Variants in TMC4 observed in about 807,000 individuals in gnomAD.
The protein encoded by TMC4 is voltage-gated chloride channel TMC4.
A neutral mutation model predicts 82.0 loss-of-function variants in TMC4; 70 were observed. The ratio of observed to expected loss-of-function variants is 0.85; its 90% confidence interval spans 0.70 to 1.04. The LOEUF (loss-of-function observed/expected upper bound fraction) is 1.04. Among genes scored for constraint, TMC4 ranks in the 50% least tolerant of loss-of-function variants. TMC4 has a pLI of 0.00. For missense variants in TMC4, 879 were observed against 899.0 expected (o/e 0.98, Z 0.28); for synonymous variants, 446 against 406.0 (o/e 1.10, Z -1.18).
In TMC4 at chr19:54,168,065, A is replaced by G. The variant is rs76115611; in HGVS notation, c.797+106T>C. 4 of 1,292,968 alleles carry G rather than the reference A, an allele frequency of 3.1e-6. No homozygotes were observed. The African/African-American group carries it at 6.1e-5, about 20-fold the overall frequency. 80.1% of individuals were successfully genotyped at this position (1,292,968 alleles called of 1,614,324 possible). A position where few individuals can be genotyped will look rare whatever the true frequency, so the allele number is the denominator to read the frequency against. ...GCAATAAGAGCAAAACTCCGTCTCA[A>G]AAAAAAAAAGACTGAGGATTCTTGG... On this transcript the variant is annotated intron_variant, in intron 5 of 14. Coordinates refer to ENST00000619895, the MANE Select transcript of TMC4 (RefSeq NM_144686.4).
At chr19:54,161,422 TC>T (rs1455797127) in intron 11 of TMC4, among the ~76,000 whole-genome samples, 162 bp from the exon 12 acceptor site, 1 of 146,600 alleles carries the variant, frequency 6.8e-6, no homozygotes, top group Admixed American at 6.8e-5. Context: ...GCAGTGGCTC[TC>T]ACTGCAGCCT....
In TMC4 at chr19:54,173,154, A is replaced by G. The variant is rs2075958022; in HGVS notation, c.-37T>C. ...GGGCTGTCTCTAGTGGCCACCAGGC[A>G]GACACTGCCCCAGGTAAGGGAGGGG... is the stretch of plus-strand genomic sequence containing the variant. On this transcript the variant is annotated 5_prime_UTR_variant, in exon 1 of 15. Coordinates refer to ENST00000619895, the MANE Select transcript of TMC4 (RefSeq NM_144686.4). 6.2e-7 allele frequency: 1 copy of G among 1,601,830 alleles called. No individual in the cohort carries two copies. Among genetic ancestry groups the G allele is most frequent in the Non-Finnish European group, 8.5e-7 (1 of 1,169,910 alleles).
Position 54,160,904 on chromosome 19 carries a change from A to C in TMC4, c.1947T>G (p.Phe649Leu), listed in dbSNP as rs1377451707. ...TGGAGATCAGCAGAAGGGGCACAGC[A>C]AAAGCCTGGGTCCCCAGGAAGAAGA... is the stretch of plus-strand genomic sequence containing the variant. The part of the protein sequence containing the change: ...NFLFFLGTQA[F>L]AVPLLLISSI... Residue 649 changes from phenylalanine (F) to leucine (L), a missense_variant, in exon 13 of 15, where the codon TTT (phenylalanine) becomes TTG (leucine). Phe to Leu is a conservative substitution (Grantham distance 22, BLOSUM62 0). Coordinates refer to ENST00000619895, the MANE Select transcript of TMC4 (RefSeq NM_144686.4). 6.2e-7 allele frequency: 1 copy of C among 1,614,128 alleles called. No homozygotes were observed. Among genetic ancestry groups the C allele is most frequent in the East Asian group, 2.2e-5 (1 of 44,876 alleles).
intron 1 of TMC4, 87 bp from the exon 2 acceptor site, chr19:54,172,170 C>T: frequency 7.6e-7 from 1 of 1,321,780 alleles, no homozygotes; most frequent in Non-Finnish European, 9.9e-7. Flanking sequence ...TCCCCGGCCC[C>T]TCCTCCCTCA....
Position 54,169,668 on chromosome 19 carries a change from G to C in TMC4, c.294-8C>G, listed in dbSNP as rs775029662. The C allele has an allele frequency of 3.1e-6, 5 of 1,612,736 alleles. No homozygotes were observed. The Admixed American group carries it at 5.0e-5, about 16-fold the overall frequency. On this transcript the variant is annotated splice_region_variant and splice_polypyrimidine_tract_variant and intron_variant, in intron 2 of 14. Coordinates refer to ENST00000619895, the MANE Select transcript of TMC4 (RefSeq NM_144686.4). ...CTGCTGGCATTTCTTTGCCTGGGAGGGAAACAGGCAGAAAATGAGGGGTTT... is the reference window on the plus strand; with the variant it reads ...CTGCTGGCATTTCTTTGCCTGGGAGCGAAACAGGCAGAAAATGAGGGGTTT...
In TMC4 at chr19:54,169,923, C is replaced by T. The variant is rs182639724; in HGVS notation, c.294-263G>A. ...TGACCAACATGGTGAAATCCTGTCTCTACTAAAAATACCAAAAAAAAAAAA... is the reference window on the plus strand; with the variant it reads ...TGACCAACATGGTGAAATCCTGTCTTTACTAAAAATACCAAAAAAAAAAAA... On this transcript the variant is annotated intron_variant, in intron 2 of 14. Coordinates refer to ENST00000619895, the MANE Select transcript of TMC4 (RefSeq NM_144686.4). 2.9e-3 allele frequency among the ~76,000 whole-genome samples: 433 copies of T among 147,054 alleles called. 1 individual carries two copies. Among genetic ancestry groups the T allele is most frequent in the Non-Finnish European group, 4.6e-3 (306 of 66,470 alleles).
intron 10 of TMC4, 134 bp downstream of exon 10, chr19:54,162,539 C>A (rs1275481740): frequency 3.8e-6 from 3 of 786,102 alleles, no homozygotes; most frequent in East Asian, 2.7e-5. Context: ...GCGGGGAGAT[C>A]TGCGGACCTA....
chr19:54,171,922 G>C lies in TMC4; in HGVS notation c.241C>G (p.Pro81Ala). ...TEVTQTELQD[P>A]HPSRELPWPM... ...CAGGGCAGTTCCCGGGAAGGGTGAGGGTCCTGCAGCTCTGTCTGGGTGACT... is the reference window on the plus strand; with the variant it reads ...CAGGGCAGTTCCCGGGAAGGGTGAGCGTCCTGCAGCTCTGTCTGGGTGACT... Residue 81 changes from proline (P) to alanine (A), a missense_variant, in exon 2 of 15, where the codon CCT becomes GCT. Coordinates refer to ENST00000619895, the MANE Select transcript of TMC4 (RefSeq NM_144686.4). 1.9e-6 allele frequency: 3 copies of C among 1,613,466 alleles called. No individual in the cohort carries two copies. The highest frequency in any genetic ancestry group is 1.7e-4 in the Middle Eastern group (1 of 6,056).
intron 8 of TMC4, 63 bp from the exon 9 acceptor site, chr19:54,163,222 T>C: frequency 6.3e-7 from 1 of 1,597,278 alleles, no homozygotes; most frequent in Non-Finnish European, 8.6e-7. Flanking sequence ...AGTTCCCTTC[T>C]CAGTGGAACG....
At position 54,165,527 on chromosome 19, in the gene TMC4, G is replaced by T; in HGVS notation, c.837C>A (p.Ser279=). The change falls in exon 6 of 15, where the codon TCC becomes TCA. Residue 279 remains serine, a synonymous_variant. Coordinates refer to ENST00000619895, the MANE Select transcript of TMC4 (RefSeq NM_144686.4). ...SGLKQTLLAE[S]EALTSYSHRV... is the part of the protein sequence containing the mutation. ...GGTGGCTGTAGCTGGTCAGAGCCTC[G>T]GACTCCGCCAGCAGTGTCTGCTTCA... is the stretch of plus-strand genomic sequence containing the variant. 1 of 1,611,588 alleles carries T rather than the reference G, an allele frequency of 6.2e-7. No individual in the cohort carries two copies. The highest frequency in any genetic ancestry group is 8.5e-7 in the Non-Finnish European group (1 of 1,178,694).
chr19:54,172,950 G>A, intron 1 of TMC4, 89 bp downstream of exon 1: 1 of 1,156,420 alleles, frequency 8.6e-7, no homozygotes, highest in Non-Finnish European at 1.2e-6. Context: ...CTCAGACTCA[G>A]GAGGCCAGGC....
intron 13 of TMC4, 62 bp from the exon 14 acceptor site, chr19:54,160,607 G>T: frequency 6.2e-7 from 1 of 1,609,724 alleles, no homozygotes; most frequent in Non-Finnish European, 8.5e-7. Context: ...CAAACGTCTG[G>T]CTCCTTCGAA....
intron 2 of TMC4, among the ~76,000 whole-genome samples, chr19:54,170,308 C>T (rs1264550004): frequency 6.7e-6 from 1 of 148,348 alleles, no homozygotes; most frequent in Non-Finnish European, 1.5e-5. Context: ...TGCACTCCAG[C>T]CTGGGCATCA....
At chr19:54,161,533 G>C (rs781061222) in intron 11 of TMC4, among the ~76,000 whole-genome samples, 1 of 149,626 alleles carries the variant, frequency 6.7e-6, no homozygotes, top group Non-Finnish European at 1.5e-5. Flanking sequence ...TGCTGTTGTT[G>C]TTGTTTGTTT....
At chr19:54,163,644 G>C in intron 8 of TMC4, 80 bp downstream of exon 8, 1 of 1,522,680 alleles carries the variant, frequency 6.6e-7, no homozygotes, top group Non-Finnish European at 9.1e-7. Context: ...CAGGATTTCC[G>C]TGTCTTACCT....
chr19:54,161,288 G>A (rs1321645782), intron 11 of TMC4, 28 bp from the exon 12 acceptor site: 2 of 1,483,974 alleles, frequency 1.3e-6, no homozygotes, highest in African/African-American at 2.8e-5. Flanking sequence ...GGAGAAAAGG[G>A]CTCTGAAACA....
At chr19:54,167,686 G>T (rs2075738301) in intron 5 of TMC4, among the ~76,000 whole-genome samples, 1 of 147,662 alleles carries the variant, frequency 6.8e-6, no homozygotes, top group African/African-American at 2.5e-5. Context: ...TCGGCTCACT[G>T]CAAGCTCCAC....
In TMC4 at chr19:54,163,711, G is replaced by A. The variant is rs2146877638; in HGVS notation, c.1277+13C>T. The A allele has an allele frequency of 6.2e-7, 1 of 1,613,684 alleles. No individual in the cohort carries two copies. Among genetic ancestry groups the A allele is most frequent in the Middle Eastern group, 1.7e-4 (1 of 6,060 alleles). On this transcript the variant is annotated intron_variant, in intron 8 of 14. Transcript: ENST00000619895. ...CCCTTCATCATTCCCAGCCATCCCCGTGAGGCTGGAACCTGAGCAGGATAA... is the reference window on the plus strand; with the variant it reads ...CCCTTCATCATTCCCAGCCATCCCCATGAGGCTGGAACCTGAGCAGGATAA...
At position 54,168,534 on chromosome 19, in the gene TMC4, T is replaced by C. The variant is rs1449972122; in HGVS notation, c.589A>G (p.Ile197Val). 30 of 1,555,062 alleles carry C rather than the reference T, an allele frequency of 1.9e-5. No homozygotes were observed. The highest frequency in any genetic ancestry group is 2.6e-5 in the Non-Finnish European group (30 of 1,150,408). The change falls in exon 4 of 15, where the codon ATC becomes GTC. Residue 197 changes from isoleucine to valine, a missense_variant. By Grantham distance (29) the Ile-to-Val change is conservative. Transcript: ENST00000619895. ...TTATAGGAGCCGCAGGGCGAGGAGA[T>C]GTCGGGGCCGGGAGGGCCTGGGGGA... is the stretch of plus-strand genomic sequence containing the variant. ...GAPPGPPGPD[I>V]SSPCGSYNPH...
Sources: gnomAD v4.1 joint callset for allele counts (sites outside exome capture counted in the v4.1 genomes callset) on GRCh38, gnomAD v4.1.1 for gene constraint, MANE v1.5 for transcripts, NCBI Gene and HGNC (gene_info 2026-07-23, HGNC 2026-07-21) for gene names.